The following NEXMIF variants were observed in gnomAD, a reference collection of about 807,000 sequenced individuals.
The protein encoded by NEXMIF is neurite extension and migration factor, also known as XLMR protein related to neurite extension.
NEXMIF carries 8 observed loss-of-function variants against 62.1 expected under a neutral mutation model. The observed-to-expected ratio is 0.13, with a 90% CI of 0.08 to 0.23. The LOEUF is 0.23. Among genes scored for constraint, NEXMIF ranks in the 10% least tolerant of loss-of-function variants. The pLI is 1.00. For synonymous variants in NEXMIF, 404 were observed against 416.6 expected (o/e 0.97, Z 0.37); for missense variants, 976 against 1,113.3 (o/e 0.88, Z 1.75).
chrX:74,876,947 T>C (rs2080637596), intron 1 of NEXMIF, among the ~76,000 whole-genome samples: 1 of 111,479 alleles, frequency 9.0e-6, no homozygotes, highest in Admixed American at 9.6e-5. Flanking sequence ...CTTTATCCAA[T>C]TTGCCAGTCT....
intron 1 of NEXMIF, among the ~76,000 whole-genome samples, chrX:74,821,686 A>G (rs1184058944): frequency 8.9e-6 from 1 of 112,255 alleles, no homozygotes; most frequent in East Asian, 2.8e-4. Flanking sequence ...CAGAGGAATA[A>G]TAAAAACAAA....
intron 1 of NEXMIF, among the ~76,000 whole-genome samples, chrX:74,747,375 A>C (rs917122505): frequency 1.8e-5 from 2 of 111,035 alleles, no homozygotes; most frequent in Non-Finnish European, 3.8e-5. Flanking sequence ...TATGAAAAAA[A>C]CCCCCCAAGT....
At chrX:74,921,074 G>A (rs1016347742) in intron 1 of NEXMIF, among the ~76,000 whole-genome samples, 1 of 111,678 alleles carries the variant, frequency 9.0e-6, no homozygotes, top group Non-Finnish European at 1.9e-5. Flanking sequence ...TAATAATTGT[G>A]TACATAGTAT....
rs182025140 is a variant in NEXMIF, at chrX:74,755,560, C to T, written c.-47-9863G>A. Among the ~76,000 whole-genome samples, 390 of 111,512 alleles carry T rather than the reference C, an allele frequency of 3.5e-3. 2 individuals are homozygous for T. The highest frequency in any genetic ancestry group is 0.012 in the African/African-American group (372 of 30,710). On this transcript the variant is annotated intron_variant, in intron 1 of 3. Transcript: ENST00000055682. ...TCCCTTTGGTTCACAGGCTTGGGCC[C>T]TACAGGAAAAATAAATAAATAAATA...
At chrX:74,878,663 C>A (rs185910199) in intron 1 of NEXMIF, among the ~76,000 whole-genome samples, 1 of 112,801 alleles carries the variant, frequency 8.9e-6, no homozygotes, top group Non-Finnish European at 1.9e-5. Flanking sequence ...TAGGATCCTG[C>A]GAGCCAGGTG....
In NEXMIF at chrX:74,897,983, A is replaced by G. The variant is rs73625831; in HGVS notation, c.-48+26900T>C. ...TACTTATATAAATAAATGATTGAACAAATAAATAAATGAGCAGGAACAGAT... is the reference window on the plus strand; with the variant it reads ...TACTTATATAAATAAATGATTGAACGAATAAATAAATGAGCAGGAACAGAT... On this transcript the variant is annotated intron_variant, in intron 1 of 3. Transcript: ENST00000055682. 1.0e-3 allele frequency among the ~76,000 whole-genome samples: 116 copies of G among 112,069 alleles called. 1 individual carries two copies. The highest frequency in any genetic ancestry group is 3.6e-3 in the African/African-American group (112 of 30,913).
chrX:74,824,232 T>C (rs2080407138), intron 1 of NEXMIF, among the ~76,000 whole-genome samples: 1 of 111,834 alleles, frequency 8.9e-6, no homozygotes, highest in Non-Finnish European at 1.9e-5. Flanking sequence ...AAAACCTGTA[T>C]TTCTCTTACC....
intron 1 of NEXMIF, among the ~76,000 whole-genome samples, chrX:74,791,893 T>C (rs960736651): frequency 3.6e-5 from 4 of 111,704 alleles, no homozygotes; most frequent in African/African-American, 1.3e-4. Context: ...GATAGCGGTC[T>C]ATCAATTTTG....
At chrX:74,842,269 G>A (rs1488897356) in intron 1 of NEXMIF, among the ~76,000 whole-genome samples, 1 of 111,497 alleles carries the variant, frequency 9.0e-6, no homozygotes, top group Admixed American at 9.5e-5. Flanking sequence ...TGTGCACAGA[G>A]GTGTTCATAG....
At chrX:74,794,132 G>A (rs1465955542) in intron 1 of NEXMIF, among the ~76,000 whole-genome samples, 1 of 107,833 alleles carries the variant, frequency 9.3e-6, no homozygotes, top group African/African-American at 3.4e-5. Context: ...CTTTGATGAT[G>A]GTGATGTACA....
intron 1 of NEXMIF, among the ~76,000 whole-genome samples, chrX:74,793,764 G>A (rs1326732501): frequency 1.1e-5 from 1 of 87,701 alleles, no homozygotes; most frequent in Non-Finnish European, 2.3e-5. Context: ...CCAGTTGATC[G>A]CATCGGCTCC....
At chrX:74,790,612 G>A (rs2080277990) in intron 1 of NEXMIF, among the ~76,000 whole-genome samples, 1 of 113,310 alleles carries the variant, frequency 8.8e-6, no homozygotes. Flanking sequence ...CCATGAGCAT[G>A]GAATGTTCTT....
At chrX:74,825,739 G>A (rs1217520295) in intron 1 of NEXMIF, among the ~76,000 whole-genome samples, 1 of 112,106 alleles carries the variant, frequency 8.9e-6, no homozygotes, top group African/African-American at 3.2e-5. Flanking sequence ...ATTTTTAGTA[G>A]AGATGGTGTT....
intron 1 of NEXMIF, among the ~76,000 whole-genome samples, chrX:74,883,490 G>A (rs191447295): frequency 9.2e-5 from 10 of 109,232 alleles, no homozygotes; most frequent in South Asian, 3.7e-4. Flanking sequence ...TGAGAATTAC[G>A]TGACGAATGC....
intron 1 of NEXMIF, among the ~76,000 whole-genome samples, chrX:74,770,930 G>T (rs888401039): frequency 9.0e-6 from 1 of 111,518 alleles, no homozygotes; most frequent in Non-Finnish European, 1.9e-5. Context: ...AATCATCAAA[G>T]ATTAAATTGT....
chrX:74,791,946 T>C (rs2080285140), intron 1 of NEXMIF, among the ~76,000 whole-genome samples: 1 of 111,691 alleles, frequency 9.0e-6, no homozygotes, highest in African/African-American at 3.3e-5. Context: ...ACTGATTTTT[T>C]TGAAGGGTTG....
At chrX:74,831,208 T>A (rs2080435618) in intron 1 of NEXMIF, among the ~76,000 whole-genome samples, 1 of 111,213 alleles carries the variant, frequency 9.0e-6, no homozygotes, top group Non-Finnish European at 1.9e-5. Flanking sequence ...AAATTATTAT[T>A]ATACTTTAAG....
intron 1 of NEXMIF, among the ~76,000 whole-genome samples, chrX:74,819,128 C>T (rs1347208892): frequency 1.8e-5 from 2 of 111,748 alleles, no homozygotes; most frequent in African/African-American, 6.5e-5. Flanking sequence ...ACTGGCTAGC[C>T]GTATGTAGAA....
chrX:74,806,825 T>A (rs1218836756), intron 1 of NEXMIF, among the ~76,000 whole-genome samples: 1 of 112,912 alleles, frequency 8.9e-6, no homozygotes, highest in African/African-American at 3.2e-5. Flanking sequence ...GAAAAGTCTA[T>A]CTTTTCCTTA....
Sources: gnomAD v4.1 joint callset for allele counts (sites outside exome capture counted in the v4.1 genomes callset) on GRCh38, gnomAD v4.1.1 for gene constraint, MANE v1.5 for transcripts, NCBI Gene and HGNC (gene_info 2026-07-23, HGNC 2026-07-21) for gene names.